The following THSD7B variants were observed in gnomAD, a reference collection of about 807,000 sequenced individuals.
The protein encoded by THSD7B is thrombospondin type 1 domain containing 7B.
In THSD7B, 138 loss-of-function variants were observed where a neutral mutation model predicts 213.6. The ratio of observed to expected loss-of-function variants is 0.65; its 90% confidence interval spans 0.56 to 0.74. THSD7B has a LOEUF of 0.74. Ranked by LOEUF, THSD7B falls within the 30% of genes least tolerant of loss-of-function variation. The pLI, the probability that THSD7B is intolerant of heterozygous loss-of-function variation, is 0.00. For synonymous variants in THSD7B, 742 were observed against 687.0 expected (o/e 1.08, Z -1.25); for missense variants, 1,931 against 1,991.5 (o/e 0.97, Z 0.58).
chr2:137,196,385 T>G (rs981534568), intron 7 of THSD7B, among the ~76,000 whole-genome samples: 1 of 141,746 alleles, frequency 7.1e-6, no homozygotes, highest in East Asian at 2.0e-4. Flanking sequence ...TGTTTTTTTT[T>G]TTTTTTTTTT....
intron 15 of THSD7B, among the ~76,000 whole-genome samples, chr2:137,495,057 ATTGT>A (rs1573661058): frequency 6.6e-6 from 1 of 151,994 alleles, no homozygotes; most frequent in African/African-American, 2.4e-5. Context: ...CCACAGTCTA[ATTGT>A]TTGTTGTTTG....
At chr2:137,281,654 T>G (rs1683018712) in intron 12 of THSD7B, among the ~76,000 whole-genome samples, 1 of 150,776 alleles carries the variant, frequency 6.6e-6, no homozygotes, top group African/African-American at 2.4e-5. Context: ...ACATGCAGTG[T>G]TTGGTTTTTT....
intron 4 of THSD7B, among the ~76,000 whole-genome samples, chr2:137,098,690 G>A (rs1688086124): frequency 6.6e-6 from 1 of 152,136 alleles, no homozygotes; most frequent in South Asian, 2.1e-4. Flanking sequence ...TCTAGTCCTT[G>A]GATATTAATA....
At chr2:137,100,752 A>G (rs990559383) in intron 4 of THSD7B, among the ~76,000 whole-genome samples, 12 of 152,162 alleles carry the variant, frequency 7.9e-5, no homozygotes, top group Non-Finnish European at 1.2e-4. Flanking sequence ...TAAGTATGAC[A>G]GACTCAAAGG....
intron 20 of THSD7B, among the ~76,000 whole-genome samples, chr2:137,624,831 G>A (rs1037707804): frequency 3.3e-5 from 5 of 152,232 alleles, no homozygotes; most frequent in Non-Finnish European, 4.4e-5. Context: ...AACAACAGGT[G>A]CTGGAGAGGA....
At chr2:137,003,323 AG>A (rs747788599) in intron 2 of THSD7B, among the ~76,000 whole-genome samples, 2 of 152,230 alleles carry the variant, frequency 1.3e-5, no homozygotes, top group Non-Finnish European at 2.9e-5. Flanking sequence ...GAGCATTCCA[AG>A]AACAAGAAAA....
chr2:136,998,707 A>T (rs192357251), intron 2 of THSD7B, among the ~76,000 whole-genome samples: 1 of 152,262 alleles, frequency 6.6e-6, no homozygotes, highest in African/African-American at 2.4e-5. Flanking sequence ...CTTAGATCAC[A>T]CAAGAATACT....
At chr2:137,330,594 G>A (rs549461898) in intron 12 of THSD7B, among the ~76,000 whole-genome samples, 11 of 152,188 alleles carry the variant, frequency 7.2e-5, no homozygotes, top group East Asian at 3.9e-4. Flanking sequence ...CGCAGTGAGT[G>A]TTATAGCTCT....
In THSD7B at chr2:136,954,731, A is replaced by AG. The variant is rs1406593883; in HGVS notation, c.139+72414_139+72415insG. ...CTCTGTCTCAAAAAAAAAAAAAAAA[A>AG]AAAGAAATTACATAAGAGCTTTTAT... On this transcript the variant is annotated intron_variant, in intron 2 of 27. Transcript: ENST00000409968. 4.6e-5 allele frequency among the ~76,000 whole-genome samples: 7 copies of AG among 150,830 alleles called. No individual in the cohort carries two copies. In the East Asian group the frequency reaches 5.8e-4, roughly 13 times the overall value.
chr2:136,985,716 T>TG (rs1685660474), intron 2 of THSD7B, among the ~76,000 whole-genome samples: 1 of 152,130 alleles, frequency 6.6e-6, no homozygotes. Context: ...GGTGGAGCTG[T>TG]GGGAAAAAGG....
chr2:137,663,602 G>A (rs1398970860), intron 26 of THSD7B, 27 bp downstream of exon 26: 1 of 1,570,488 alleles, frequency 6.4e-7, no homozygotes, highest in South Asian at 1.2e-5. Flanking sequence ...AGTAAGAAAT[G>A]AAAATTTTCT....
intron 5 of THSD7B, among the ~76,000 whole-genome samples, chr2:137,125,730 T>G (rs1688619623): frequency 6.6e-6 from 1 of 152,214 alleles, no homozygotes; most frequent in Non-Finnish European, 1.5e-5. Flanking sequence ...AATTATTTCA[T>G]TTTCCCAGAT....
At chr2:137,100,106 A>AT (rs1688121301) in intron 4 of THSD7B, among the ~76,000 whole-genome samples, 1 of 3,400 alleles carries the variant, frequency 2.9e-4, no homozygotes, top group Admixed American at 0.01. Flanking sequence ...TTTTCTAGAC[A>AT]TCCTTTTTTC....
At chr2:136,952,745 G>A (rs1203454492) in intron 2 of THSD7B, among the ~76,000 whole-genome samples, 1 of 151,872 alleles carries the variant, frequency 6.6e-6, no homozygotes, top group African/African-American at 2.4e-5. Context: ...TTTTGATCGT[G>A]TTTTCTAGAG....
chr2:137,519,822 A>G (rs982458024), intron 15 of THSD7B, among the ~76,000 whole-genome samples: 1 of 152,338 alleles, frequency 6.6e-6, no homozygotes, highest in African/African-American at 2.4e-5. Context: ...TCTTCTTAGA[A>G]TTCATTGATA....
intron 5 of THSD7B, among the ~76,000 whole-genome samples, chr2:137,155,254 A>G (rs1679891226): frequency 6.6e-6 from 1 of 152,168 alleles, no homozygotes; most frequent in South Asian, 2.1e-4. Flanking sequence ...TAAATAGCCT[A>G]TAAGACCTTG....
intron 2 of THSD7B, among the ~76,000 whole-genome samples, chr2:136,995,892 A>G (rs1685876293): frequency 6.6e-6 from 1 of 152,194 alleles, no homozygotes; most frequent in Non-Finnish European, 1.5e-5. Context: ...TGTAATGAGG[A>G]CAGGGTACAT....
chr2:136,947,494 A>C (rs1226653696), intron 2 of THSD7B, among the ~76,000 whole-genome samples: 1 of 152,190 alleles, frequency 6.6e-6, no homozygotes, highest in Non-Finnish European at 1.5e-5. Flanking sequence ...TTTCTGTGTT[A>C]TCCATATGAT....
At chr2:137,659,569 C>T (rs1683303060) in intron 24 of THSD7B, 95 bp from the exon 25 acceptor site, 5 of 1,124,084 alleles carry the variant, frequency 4.4e-6, no homozygotes, top group East Asian at 5.3e-5. Flanking sequence ...AATACTGTTG[C>T]AAAGAGGCCG....
Sources: allele counts gnomAD v4.1 joint callset (sites outside exome capture counted in the v4.1 genomes callset), GRCh38; gene constraint gnomAD v4.1.1; transcripts MANE v1.5; gene names NCBI Gene and HGNC (gene_info 2026-07-23, HGNC 2026-07-21).